The following ROR1 variants were observed in gnomAD, a reference collection of about 807,000 sequenced individuals.
The protein encoded by ROR1 is inactive tyrosine-protein kinase transmembrane receptor ROR1.
ROR1 carries 19 observed loss-of-function variants against 78.8 expected under a neutral mutation model. That is an observed-to-expected ratio of 0.24 (90% CI 0.17 to 0.35). The LOEUF (loss-of-function observed/expected upper bound fraction) is 0.35. Among genes scored for constraint, ROR1 ranks in the 10% least tolerant of loss-of-function variants. ROR1 has a pLI of 1.00. For synonymous variants in ROR1, 386 were observed against 433.6 expected (o/e 0.89, Z 1.36); for missense variants, 917 against 1,177.8 (o/e 0.78, Z 3.24).
chr1:64,103,340 CAAA>C (rs10706620), intron 4 of ROR1, among the ~76,000 whole-genome samples: 4 of 138,400 alleles, frequency 2.9e-5, no homozygotes, highest in South Asian at 2.3e-4. Context: ...AGTTCAAATG[CAAA>C]AAAAAAAAAG....
chr1:63,829,256 C>T (rs1408105497), intron 1 of ROR1, among the ~76,000 whole-genome samples: 1 of 152,208 alleles, frequency 6.6e-6, no homozygotes, highest in Non-Finnish European at 1.5e-5. Context: ...CATGAAAGCT[C>T]TTTTATGCTA....
intron 1 of ROR1, among the ~76,000 whole-genome samples, chr1:63,933,888 G>A (rs935873442): frequency 6.6e-6 from 1 of 152,134 alleles, no homozygotes; most frequent in African/African-American, 2.4e-5. Flanking sequence ...CCGCACCTTC[G>A]TGTCTGGATG....
chr1:64,097,963 T>A (rs1393488594), intron 4 of ROR1, among the ~76,000 whole-genome samples: 1 of 152,156 alleles, frequency 6.6e-6, no homozygotes, highest in African/African-American at 2.4e-5. Flanking sequence ...AAAGGCTGCG[T>A]TCTCCGTCAA....
At chr1:63,987,852 G>T (rs1192429221) in intron 1 of ROR1, among the ~76,000 whole-genome samples, 1 of 152,120 alleles carries the variant, frequency 6.6e-6, no homozygotes, top group East Asian at 1.9e-4. Flanking sequence ...ATTAGTCAAC[G>T]TCAATGGAAG....
chr1:63,787,190 A>T (rs959770508), intron 1 of ROR1, among the ~76,000 whole-genome samples: 1 of 152,052 alleles, frequency 6.6e-6, no homozygotes, highest in African/African-American at 2.4e-5. Flanking sequence ...ACTGTATTGC[A>T]TCCACATCCA....
At chr1:63,841,349 A>G (rs1397840823) in intron 1 of ROR1, among the ~76,000 whole-genome samples, 1 of 152,232 alleles carries the variant, frequency 6.6e-6, no homozygotes, top group Non-Finnish European at 1.5e-5. Context: ...TAGATCCCTT[A>G]CAGATTTCAG....
chr1:64,095,974 T>G (rs1413827169), intron 4 of ROR1, among the ~76,000 whole-genome samples: 3 of 152,174 alleles, frequency 2.0e-5, no homozygotes, highest in Non-Finnish European at 4.4e-5. Flanking sequence ...AATAAACCTC[T>G]TAATACTATT....
At chr1:63,835,714 A>C (rs1645015451) in intron 1 of ROR1, among the ~76,000 whole-genome samples, 1 of 152,226 alleles carries the variant, frequency 6.6e-6, no homozygotes, top group African/African-American at 2.4e-5. Context: ...AATATACTAA[A>C]GTATGGGAGA....
At chr1:64,168,062 T>C (rs1370143325) in intron 8 of ROR1, among the ~76,000 whole-genome samples, 1 of 152,216 alleles carries the variant, frequency 6.6e-6, no homozygotes, top group African/African-American at 2.4e-5. Context: ...CCTTATGTCC[T>C]TATCCATAAA....
intron 4 of ROR1, chr1:64,106,976 T>G (rs192619743): frequency 6.6e-6 from 1 of 152,568 alleles, no homozygotes; most frequent in African/African-American, 2.4e-5. Context: ...GTCCCCACCC[T>G]GCCACTGAGG....
At position 64,086,094 on chromosome 1, in the gene ROR1, A is replaced by G. The variant is rs577854816; in HGVS notation, c.482+35378A>G. On this transcript the variant is annotated intron_variant, in intron 4 of 8. Coordinates refer to ENST00000371079, the MANE Select transcript of ROR1 (RefSeq NM_005012.4). ...ACCTGTCCAAATTTCTACCCATTCTAAAGCTTCCAGTTCCACCTAACAACT... is the reference window on the plus strand; with the variant it reads ...ACCTGTCCAAATTTCTACCCATTCTGAAGCTTCCAGTTCCACCTAACAACT... Among the ~76,000 whole-genome samples the G allele has an allele frequency of 8.7e-4, 132 of 152,310 alleles. 1 individual carries two copies. The highest frequency in any genetic ancestry group is 3.2e-3 in the African/African-American group (131 of 41,570).
At chr1:63,994,672 G>C (rs977380653) in intron 1 of ROR1, among the ~76,000 whole-genome samples, 2 of 152,162 alleles carry the variant, frequency 1.3e-5, no homozygotes, top group Non-Finnish European at 2.9e-5. Context: ...GAAACTCATT[G>C]CATTGCTTCT....
intron 4 of ROR1, among the ~76,000 whole-genome samples, chr1:64,057,832 A>T (rs1367408434): frequency 6.6e-6 from 1 of 152,142 alleles, no homozygotes; most frequent in African/African-American, 2.4e-5. Flanking sequence ...AGTGCTTTGC[A>T]TTTCCATATG....
At chr1:64,142,172 T>C (rs1024732683) in intron 6 of ROR1, among the ~76,000 whole-genome samples, 3 of 152,200 alleles carry the variant, frequency 2.0e-5, no homozygotes, top group African/African-American at 7.2e-5. Context: ...GGAAGACTGA[T>C]TTTATTCCTG....
intron 1 of ROR1, among the ~76,000 whole-genome samples, chr1:63,867,351 T>C (rs973842687): frequency 7.2e-5 from 11 of 152,196 alleles, no homozygotes; most frequent in African/African-American, 2.4e-4. Flanking sequence ...ACCTTTTCCT[T>C]AGCTTGTGTC....
At chr1:63,943,347 T>G (rs1430212651) in intron 1 of ROR1, among the ~76,000 whole-genome samples, 2 of 152,128 alleles carry the variant, frequency 1.3e-5, no homozygotes, top group Non-Finnish European at 1.5e-5. Flanking sequence ...AGGCTAAACC[T>G]CAGCCCAGGC....
intron 1 of ROR1, among the ~76,000 whole-genome samples, chr1:63,895,318 T>G (rs1397514171): frequency 6.6e-6 from 1 of 152,206 alleles, no homozygotes; most frequent in African/African-American, 2.4e-5. Flanking sequence ...ATTGTCTCTG[T>G]TAGACAGTGG....
At chr1:64,090,129 T>C (rs528840565) in intron 4 of ROR1, among the ~76,000 whole-genome samples, 1 of 152,272 alleles carries the variant, frequency 6.6e-6, no homozygotes, top group Admixed American at 6.5e-5. Flanking sequence ...GGGTGTGTCT[T>C]TATTAGCAGC....
chr1:63,951,864 A>T (rs1645942164), intron 1 of ROR1, among the ~76,000 whole-genome samples: 1 of 152,150 alleles, frequency 6.6e-6, no homozygotes, highest in African/African-American at 2.4e-5. Flanking sequence ...TAAGAGCCTT[A>T]AGAAAAAAGA....
Sources: gnomAD v4.1 joint callset for allele counts (sites outside exome capture counted in the v4.1 genomes callset) on GRCh38, gnomAD v4.1.1 for gene constraint, MANE v1.5 for transcripts, NCBI Gene and HGNC (gene_info 2026-07-23, HGNC 2026-07-21) for gene names.